Variants in MORN1 observed in about 807,000 individuals in gnomAD.
MORN1 encodes the protein MORN repeat containing 1.
A neutral mutation model predicts 61.9 loss-of-function variants in MORN1; 67 were observed. That is an observed-to-expected ratio of 1.08 (90% CI 0.89 to 1.33). The LOEUF is 1.33. Ranked by LOEUF, MORN1 falls within the 40% of genes most tolerant of loss-of-function variation. The pLI is 0.00. For synonymous variants in MORN1, 301 were observed against 292.0 expected, an observed-to-expected ratio of 1.03 and a Z score of -0.31; for missense variants, 752 against 691.2, an observed-to-expected ratio of 1.09 and a Z score of -0.99.
At chr1:2,331,318 C>T (rs867936927) in intron 12 of MORN1, among the ~76,000 whole-genome samples, 37 of 152,334 alleles carry the variant, frequency 2.4e-4, no homozygotes, top group African/African-American at 8.7e-4. Flanking sequence ...CAGCACGGGC[C>T]AGGGCAGCCT....
In MORN1 at chr1:2,321,458, C is replaced by T; in HGVS notation, c.1419G>A (p.Leu473=). The change falls in exon 14 of 14, where the codon CTG becomes CTA. Residue 473 remains leucine, a synonymous_variant. Transcript: ENST00000378531. ...AKRAGQPPHV[L]EEGPEASSSW... is the part of the protein sequence containing the mutation. ...TGCTTGAGGCTTCAGGGCCTTCTTC[C>T]AGGACATGGGGTGGCTGGCCAGCCC... is the stretch of plus-strand genomic sequence containing the variant. The T allele has an allele frequency of 6.5e-7, 1 of 1,540,252 alleles. No individual in the cohort carries two copies. The highest frequency in any genetic ancestry group is 8.8e-7 in the Non-Finnish European group (1 of 1,142,228).
rs542052034 is a variant in MORN1, at chr1:2,329,720, G to A, written c.1251-5577C>T. On this transcript the variant is annotated intron_variant, in intron 12 of 13. Coordinates refer to ENST00000378531, the MANE Select transcript of MORN1 (RefSeq NM_024848.3). Reference sequence around the variant, plus strand: ...GGTGGGCAGGTGAGCCGAGCAGGCCGGAGTCACCACCGCATCACGTGGGCC... The same window carrying A: ...GGTGGGCAGGTGAGCCGAGCAGGCCAGAGTCACCACCGCATCACGTGGGCC... 5.9e-5 allele frequency among the ~76,000 whole-genome samples: 9 copies of A among 152,328 alleles called. No individual in the cohort carries two copies. The South Asian group carries it at 1.7e-3, about 28-fold the overall frequency.
At chr1:2,342,568 G>C (rs1399641593) in intron 10 of MORN1, among the ~76,000 whole-genome samples, 1 of 152,118 alleles carries the variant, frequency 6.6e-6, no homozygotes, top group Non-Finnish European at 1.5e-5. Flanking sequence ...GCGGGAACAC[G>C]CGGGGGCACA....
intron 10 of MORN1, among the ~76,000 whole-genome samples, chr1:2,348,580 T>C (rs149407807): frequency 1.3e-5 from 2 of 151,258 alleles, no homozygotes; most frequent in Non-Finnish European, 3.0e-5. Context: ...AGCCGGAGAG[T>C]GCACACACAC....
At chr1:2,360,638 G>A (rs1641872991) in intron 8 of MORN1, among the ~76,000 whole-genome samples, 1 of 152,116 alleles carries the variant, frequency 6.6e-6, no homozygotes, top group African/African-American at 2.4e-5. Context: ...TGAGTAGAGG[G>A]AGGACCCTGA....
In MORN1 at chr1:2,388,273, G is replaced by A. The variant is rs772193360; in HGVS notation, c.213C>T (p.Ile71=). The change falls in exon 3 of 14, where the codon ATC becomes ATT. Residue 71 remains isoleucine, a synonymous_variant. Transcript: ENST00000378531. ...YYEGAFVDGE[I]TGEGRRHWAW... is the part of the protein sequence containing the mutation. ...CCCAGTGCCGGCGGCCTTCTCCCGTGATCTCTCCGTCCACAAACGCCCCTT... is the reference window on the plus strand; with the variant it reads ...CCCAGTGCCGGCGGCCTTCTCCCGTAATCTCTCCGTCCACAAACGCCCCTT... 1.2e-6 allele frequency: 2 copies of A among 1,613,894 alleles called. No homozygotes were observed. Among genetic ancestry groups the A allele is most frequent in the South Asian group, 1.1e-5 (1 of 91,080 alleles).
chr1:2,389,297 C>A (rs774552768), intron 2 of MORN1, among the ~76,000 whole-genome samples: 10 of 152,220 alleles, frequency 6.6e-5, no homozygotes. Context: ...GAGACGGAGT[C>A]TCAGTCTGTC....
At chr1:2,340,396 C>T (rs1641369878) in intron 10 of MORN1, among the ~76,000 whole-genome samples, 1 of 152,160 alleles carries the variant, frequency 6.6e-6, no homozygotes, top group Non-Finnish European at 1.5e-5. Context: ...CTCAGCCTCC[C>T]CTTGCTGAGG....
chr1:2,385,468 C>T (rs1642472663), intron 5 of MORN1: 1 of 397,070 alleles, frequency 2.5e-6, no homozygotes, highest in Non-Finnish European at 4.6e-6. Flanking sequence ...CCGGAGAGCA[C>T]CCCCATCCTC....
At chr1:2,382,382 G>A (rs1225582215) in intron 6 of MORN1, among the ~76,000 whole-genome samples, 2 of 152,188 alleles carry the variant, frequency 1.3e-5, no homozygotes, top group African/African-American at 2.4e-5. Flanking sequence ...GCTCGGACTG[G>A]TGGGGATCAT....
chr1:2,322,691 C>A, intron 13 of MORN1: 1 of 985,470 alleles, frequency 1.0e-6, no homozygotes, highest in Non-Finnish European at 1.2e-6. Flanking sequence ...ATGGCAACGC[C>A]ACAGTGTTTC....
rs1312896165 is a variant in MORN1, at chr1:2,391,458, C to T, written c.76G>A (p.Gly26Ser). 2.4e-6 allele frequency: 3 copies of T among 1,255,456 alleles called. No homozygotes were observed. The highest frequency in any genetic ancestry group is 2.0e-6 in the Non-Finnish European group (2 of 992,414). 77.8% of individuals were successfully genotyped at this position (1,255,456 alleles called of 1,614,324 possible). The part of the protein sequence containing the change: ...RDPPRRPPRN[G>S]YGVYVYPNSF... ...CTGTCCCGTGGCCCGCAGTCGTTAC[C>T]GTTCCGGGGCGGCCGCCTAGGCGGG... is the stretch of plus-strand genomic sequence containing the variant. Residue 26 changes from glycine (G) to serine (S), a missense_variant and splice_region_variant, in exon 1 of 14, where the codon GGT becomes AGT. Coordinates refer to ENST00000378531, the MANE Select transcript of MORN1 (RefSeq NM_024848.3).
chr1:2,366,499 T>A (rs912678263), intron 8 of MORN1, among the ~76,000 whole-genome samples: 2 of 151,550 alleles, frequency 1.3e-5, no homozygotes, highest in African/African-American at 4.9e-5. Context: ...AAAAAAAAAA[T>A]AAAAGCAGAA....
At chr1:2,360,801 G>A (rs1241269548) in intron 8 of MORN1, among the ~76,000 whole-genome samples, 1 of 152,202 alleles carries the variant, frequency 6.6e-6, no homozygotes, top group Non-Finnish European at 1.5e-5. Flanking sequence ...GACTGGGCAT[G>A]GTGCCTGTTC....
chr1:2,385,310 G>C lies in MORN1; in HGVS notation c.450-245C>G, dbSNP rs527484423. On this transcript the variant is annotated intron_variant, in intron 5 of 13. Transcript: ENST00000378531. The stretch of plus-strand genomic sequence containing the variant: ...CCTGCTCGGGACGCACTCAGCTTCC[G>C]CTACTCAAAATGGGAAATGACCCAG... 5.4e-5 allele frequency: 30 copies of C among 560,250 alleles called. 1 individual carries two copies. The highest frequency in any genetic ancestry group is 4.7e-4 in the African/African-American group (25 of 52,860). 34.7% of individuals were successfully genotyped at this position (560,250 alleles called of 1,614,324 possible). A position where few individuals can be genotyped will look rare whatever the true frequency, so the allele number is the denominator to read the frequency against.
intron 8 of MORN1, among the ~76,000 whole-genome samples, chr1:2,369,867 A>G (rs909050507): frequency 8.5e-5 from 13 of 152,222 alleles, no homozygotes; most frequent in African/African-American, 2.9e-4. Context: ...TTCTGTGTTC[A>G]TGAGATGGAG....
intron 6 of MORN1, among the ~76,000 whole-genome samples, chr1:2,382,342 C>T (rs970501473): frequency 1.3e-5 from 2 of 152,160 alleles, no homozygotes; most frequent in Admixed American, 1.3e-4. Flanking sequence ...GCCTGCCATC[C>T]TAGCACCTCA....
Position 2,324,152 on chromosome 1 carries a change from A to G in MORN1, c.1251-9T>C. On this transcript the variant is annotated splice_polypyrimidine_tract_variant and intron_variant, in intron 12 of 13. Transcript: ENST00000378531. ...TGGCTCTCCCCTCAGGCCTGTGGAG[A>G]CGACACAGTGAGGCCCCTGAATGCC... 1 of 1,595,272 alleles carries G rather than the reference A, an allele frequency of 6.3e-7. No individual in the cohort carries two copies. Among genetic ancestry groups the G allele is most frequent in the Non-Finnish European group, 8.5e-7 (1 of 1,172,216 alleles).
intron 12 of MORN1, among the ~76,000 whole-genome samples, chr1:2,330,894 C>T (rs1039375469): frequency 3.9e-5 from 6 of 152,214 alleles, no homozygotes; most frequent in East Asian, 1.9e-4. Flanking sequence ...GTCATGGCCA[C>T]GTTGATTAAA....
Sources: gnomAD v4.1 joint callset for allele counts (sites outside exome capture counted in the v4.1 genomes callset) on GRCh38, gnomAD v4.1.1 for gene constraint, MANE v1.5 for transcripts, NCBI Gene and HGNC (gene_info 2026-07-23, HGNC 2026-07-21) for gene names.